LTBP3: variants seen among roughly 807,000 people sequenced by gnomAD.
The protein encoded by LTBP3 is latent-transforming growth factor beta-binding protein 3.
In LTBP3, 97 loss-of-function variants were observed where a neutral mutation model predicts 159.7. That is an observed-to-expected ratio of 0.61 (90% CI 0.52 to 0.72). LTBP3 has a LOEUF of 0.72. Among genes scored for constraint, LTBP3 ranks in the 30% least tolerant of loss-of-function variants. The probability of loss-of-function intolerance (pLI) is 0.00; values close to 1 mark genes in which losing one functional copy is unlikely to be tolerated. For missense variants in LTBP3, 1,584 were observed against 1,864.3 expected (o/e 0.85, Z 2.77); for synonymous variants, 824 against 777.1 (o/e 1.06, Z -1.00).
rs1382727404 is a variant in LTBP3, at chr11:65,554,824, C to A, written c.332-444G>T. On this transcript the variant is annotated intron_variant, in intron 1 of 27. Coordinates refer to ENST00000301873, the MANE Select transcript of LTBP3 (RefSeq NM_001130144.3). The surrounding 1 kb of genome is among the most constrained non-coding windows in gnomAD (Gnocchi z 5.3). ...GTCCCTGGCGCCTCCTCCTCTTCTC[C>A]CATAAACCCTTCCCTCCTTCAGGCC... is the stretch of plus-strand genomic sequence containing the variant. 6.6e-6 allele frequency among the ~76,000 whole-genome samples: 1 copy of A among 151,702 alleles called. No homozygotes were observed. Among genetic ancestry groups the A allele is most frequent in the African/African-American group, 2.4e-5 (1 of 41,244 alleles).
intron 1 of LTBP3, among the ~76,000 whole-genome samples, chr11:65,556,775 G>A (rs974173499): frequency 6.6e-6 from 1 of 152,224 alleles, no homozygotes; most frequent in Non-Finnish European, 1.5e-5. Flanking sequence ...TGTAAGAGGG[G>A]CTGTTTTGCT....
intron 22 of LTBP3, 47 bp from the exon 23 acceptor site, chr11:65,540,429 C>T (rs1240770758): frequency 4.5e-5 from 73 of 1,608,742 alleles, no homozygotes; most frequent in Non-Finnish European, 6.2e-5. Context: ...CCGGGATGGG[C>T]GCGGTGGCGC....
In LTBP3 at chr11:65,542,490, C is replaced by T. The variant is rs1177635886; in HGVS notation, c.2596+615G>A. 3 of 147,672 alleles carry T rather than the reference C, an allele frequency of 2.0e-5. No individual in the cohort carries two copies. In the South Asian group the frequency reaches 5.9e-4, roughly 29 times the overall value. 9.1% of individuals were successfully genotyped at this position (147,672 alleles called of 1,614,324 possible). ...GCAACCTCCGCTTCCCATCTTCAAA[C>T]GATTCTTCTGCCTCAGCCTCCCGAG... On this transcript the variant is annotated intron_variant, in intron 18 of 27. Transcript: ENST00000301873.
rs1274446179 is a variant in LTBP3, at chr11:65,558,208, G to C, written c.-249C>G. On this transcript the variant is annotated 5_prime_UTR_variant, in exon 1 of 28. Coordinates refer to ENST00000301873, the MANE Select transcript of LTBP3 (RefSeq NM_001130144.3). ...CAGACCAGGCCCCGAACTCAGGCAG[G>C]AGCGAGGAGGCCGGAGCAAGTTGAG... is the stretch of plus-strand genomic sequence containing the variant. 1 of 1,056,952 alleles carries C rather than the reference G, an allele frequency of 9.5e-7. No homozygotes were observed. The highest frequency in any genetic ancestry group is 1.1e-6 in the Non-Finnish European group (1 of 874,690). 65.5% of individuals were successfully genotyped at this position (1,056,952 alleles called of 1,614,324 possible). A position where few individuals can be genotyped will look rare whatever the true frequency, so the allele number is the denominator to read the frequency against.
rs141170789 is a variant in LTBP3, at chr11:65,541,000, C to T, written c.2894-46G>A. The T allele has an allele frequency of 4.4e-4, 704 of 1,595,098 alleles. 11 individuals carry two copies. The East Asian group carries it at 0.015, about 33-fold the overall frequency. ...TGGGGAGGGAAGAGGCAGGACTGAG[C>T]GCGCGCGTGGGCTTAGGGCTGCAGC... is the stretch of plus-strand genomic sequence containing the variant. On this transcript the variant is annotated intron_variant, in intron 20 of 27. Transcript: ENST00000301873.
In LTBP3 at chr11:65,540,245, C is replaced by T. The variant is rs1165193375; in HGVS notation, c.3244G>A (p.Asp1082Asn). ...CCCCACTCCCCGGCCCGGGCCTCAC[C>T]CATCTCTTCCGGGCTCAGGCACTGG... is the stretch of plus-strand genomic sequence containing the variant. ...QRQCLSPEEM[D>N]VDECQDPAAC... is the part of the protein sequence containing the mutation. Residue 1082 changes from aspartate (D) to asparagine (N), a missense_variant and splice_region_variant, in exon 23 of 28, where the codon GAC becomes AAC. Transcript: ENST00000301873. The T allele has an allele frequency of 7.1e-6, 11 of 1,550,000 alleles. No individual in the cohort carries two copies. The highest frequency in any genetic ancestry group is 9.6e-6 in the Non-Finnish European group (11 of 1,146,876).
Position 65,552,045 on chromosome 11 carries a change from C to T in LTBP3, c.1458G>A (p.Gly486=). Residue 486 remains glycine (G), a synonymous_variant, in exon 8 of 28, where the codon GGG becomes GGA. Coordinates refer to ENST00000301873, the MANE Select transcript of LTBP3 (RefSeq NM_001130144.3). This position sits in a 1 kb window ranked among gnomAD's most constrained non-coding sequence, Gnocchi z 6.0. ...CCGGAAGCTGCTGGGGCTTGGGTGG[C>T]CCGTCAGGGTGCAGGAAAAGGGAAA... ...SDFSLFLHPD[G]PPKPQQLPES... 6.2e-7 allele frequency: 1 copy of T among 1,614,002 alleles called. No individual in the cohort carries two copies. Among genetic ancestry groups the T allele is most frequent in the Non-Finnish European group, 8.5e-7 (1 of 1,179,990 alleles).
chr11:65,540,733 A>ACAGGAGGGGCGGGGCCTT, intron 21 of LTBP3, 119 bp from the exon 22 acceptor site: 2 of 1,508,400 alleles, frequency 1.3e-6, no homozygotes, highest in Non-Finnish European at 1.8e-6. Flanking sequence ...GGCGGGGCCT[A>ACAGGAGGGGCGGGGCCTT]CAGGGCGGGG....
Position 65,553,486 on chromosome 11 carries a change from G to A in LTBP3, c.909C>T (p.Cys303=). 3 of 1,612,452 alleles carry A rather than the reference G, an allele frequency of 1.9e-6. No individual in the cohort carries two copies. Among genetic ancestry groups the A allele is most frequent in the Non-Finnish European group, 2.5e-6 (3 of 1,179,854 alleles). ...PLPGLTKQED[C]CGSIGTAWGQ... The stretch of plus-strand genomic sequence containing the variant: ...CCCAGGCAGTGCCGATGCTACCGCA[G>A]CAGTCTTCCTGCTTGGTGAGGCCGG... The change falls in exon 4 of 28, where the codon TGC becomes TGT. Residue 303 remains cysteine, a synonymous_variant. Transcript: ENST00000301873. The surrounding 1 kb of genome is among the most constrained non-coding windows in gnomAD (Gnocchi z 6.5).
In LTBP3 at chr11:65,546,892, A is replaced by G. The variant is rs1465722728; in HGVS notation, c.2136T>C (p.Ser712=). 7 of 1,612,620 alleles carry G rather than the reference A, an allele frequency of 4.3e-6. No individual in the cohort carries two copies. The South Asian group carries it at 7.7e-5, about 18-fold the overall frequency. The part of the protein sequence containing the change: ...EDIDECRDPS[S]CPDGKCENKP... The stretch of plus-strand genomic sequence containing the variant: ...TGTTCTCGCATTTGCCATCCGGGCA[A>G]GAGCTTGGGTCCCGGCACTCGTCGA... The change falls in exon 15 of 28, where the codon TCT becomes TCC. Residue 712 remains serine, a synonymous_variant. Coordinates refer to ENST00000301873, the MANE Select transcript of LTBP3 (RefSeq NM_001130144.3). This position sits in a 1 kb window ranked among gnomAD's most constrained non-coding sequence, Gnocchi z 4.0.
In LTBP3 at chr11:65,552,417, C is replaced by T. The variant is rs758670644; in HGVS notation, c.1187-11G>A. The T allele has an allele frequency of 1.2e-6, 2 of 1,611,776 alleles. No individual in the cohort carries two copies. The highest frequency in any genetic ancestry group is 1.7e-6 in the Non-Finnish European group (2 of 1,179,946). On this transcript the variant is annotated splice_polypyrimidine_tract_variant and intron_variant, in intron 6 of 27. Coordinates refer to ENST00000301873, the MANE Select transcript of LTBP3 (RefSeq NM_001130144.3). The surrounding 1 kb of genome is among the most constrained non-coding windows in gnomAD (Gnocchi z 6.0). Reference sequence around the variant, plus strand: ...CCTCCGGTTTGTCTGCTGCAGGGGCCAGTGGGGGGCATGGGCATCTGAGCC... The same window carrying T: ...CCTCCGGTTTGTCTGCTGCAGGGGCTAGTGGGGGGCATGGGCATCTGAGCC...
intron 11 of LTBP3, among the ~76,000 whole-genome samples, chr11:65,549,336 C>G (rs1284382939): frequency 6.6e-6 from 1 of 152,130 alleles, no homozygotes; most frequent in Non-Finnish European, 1.5e-5. Flanking sequence ...CATGCCTTTG[C>G]CCAACTTAAC....
In LTBP3 at chr11:65,539,758, C is replaced by G; in HGVS notation, c.3509G>C (p.Trp1170Ser). Residue 1170 changes from tryptophan (W) to serine (S), a missense_variant, in exon 25 of 28, where the codon TGG becomes TCG. Physicochemically the swap from Trp to Ser is radical, Grantham distance 177. Transcript: ENST00000301873. ...DDCCCRQGRG[W>S]GAQCRPCPPR... ...CGGGCACGGTCGGCATTGGGCGCCC[C>G]AGCCGCGGCCCTGGCGGCAGCAGCA... is the stretch of plus-strand genomic sequence containing the variant. 3.2e-6 allele frequency: 5 copies of G among 1,544,884 alleles called. No homozygotes were observed. The highest frequency in any genetic ancestry group is 4.3e-6 in the Non-Finnish European group (5 of 1,152,506).
In LTBP3 at chr11:65,552,501, C is replaced by G. The variant is rs1178791579; in HGVS notation, c.1187-95G>C. 1 of 1,493,226 alleles carries G rather than the reference C, an allele frequency of 6.7e-7. No homozygotes were observed. Among genetic ancestry groups the G allele is most frequent in the African/African-American group, 1.4e-5 (1 of 72,398 alleles). The allele number at this position is 1,493,226 out of a possible 1,614,324, so 92.5% of individuals were successfully genotyped here. ...GCAGACCTTGCCTCTCCGGCCCAGA[C>G]AACCCTTGATCCCCCATGTGGTCTC... is the stretch of plus-strand genomic sequence containing the variant. On this transcript the variant is annotated intron_variant, in intron 6 of 27. Coordinates refer to ENST00000301873, the MANE Select transcript of LTBP3 (RefSeq NM_001130144.3). The surrounding 1 kb of genome is among the most constrained non-coding windows in gnomAD (Gnocchi z 6.0).
At chr11:65,551,588 A>G (rs1856615923) in intron 8 of LTBP3, 24 bp from the exon 9 acceptor site, 4 of 1,613,874 alleles carry the variant, frequency 2.5e-6, no homozygotes, top group Non-Finnish European at 3.4e-6. Context: ...AGATGGGGCC[A>G]TGAAGTGTTG....
intron 18 of LTBP3, 157 bp from the exon 19 acceptor site, chr11:65,541,885 C>T: frequency 1.3e-6 from 1 of 797,938 alleles, no homozygotes. Context: ...TCTGAATGTG[C>T]ATGTGGACAT....
chr11:65,540,031 G>A lies in LTBP3; in HGVS notation c.3367C>T (p.Leu1123Phe), dbSNP rs1856013438. The change falls in exon 24 of 28, where the codon CTC (leucine) becomes TTC (phenylalanine). Residue 1123 changes from leucine to phenylalanine, a missense_variant. Transcript: ENST00000301873. ...CCCTCACCGGCCGGGCTCTCGGGGA[G>A]CTGGCAATCGCGGCCGGAGGGCCCG... ...VPGPSGRDCQ[L>F]PESPAERAPE... 1.3e-6 allele frequency: 2 copies of A among 1,513,100 alleles called. No individual in the cohort carries two copies. Among genetic ancestry groups the A allele is most frequent in the Non-Finnish European group, 1.8e-6 (2 of 1,136,480 alleles). The allele number at this position is 1,513,100 out of a possible 1,614,324, so 93.7% of individuals were successfully genotyped here.
chr11:65,551,417 C>T lies in LTBP3; in HGVS notation c.1606G>A (p.Ala536Thr). 6.2e-7 allele frequency: 1 copy of T among 1,613,622 alleles called. No individual in the cohort carries two copies. Residue 536 changes from alanine to threonine, a missense_variant, in exon 10 of 28, where the codon GCC becomes ACC. Transcript: ENST00000301873. ...CCCAGCTCACCGGGGTAGGGCCGGG[C>T]AGGAGTCGTGGTGGCAGTTGGGTGG... ...QSHPTATTTP[A>T]RPYPELISRP...
Position 65,557,807 on chromosome 11 carries a change from T to C in LTBP3, c.153A>G (p.Ala51=), listed in dbSNP as rs1403186737. The C allele has an allele frequency of 2.4e-5, 37 of 1,519,114 alleles. No individual in the cohort carries two copies. Among genetic ancestry groups the C allele is most frequent in the Non-Finnish European group, 3.3e-5 (37 of 1,137,666 alleles). 94.1% of individuals were successfully genotyped at this position (1,519,114 alleles called of 1,614,324 possible). A position where few individuals can be genotyped will look rare whatever the true frequency, so the allele number is the denominator to read the frequency against. Residue 51 remains alanine, a synonymous_variant, in exon 1 of 28, where the codon GCA becomes GCG. Transcript: ENST00000301873. ...VEGGPAGERG[A]GGGGALARER... ...CGCGGGCCAGCGCCCCGCCCCCGCC[T>C]GCGCCCCGCTCGCCGGCCGGCCCCC...
Sources: gnomAD v4.1 joint callset for allele counts (sites outside exome capture counted in the v4.1 genomes callset) on GRCh38, gnomAD v4.1.1 for gene constraint, Gnocchi (gnomAD v3.1) non-coding constraint, MANE v1.5 for transcripts, NCBI Gene and HGNC (gene_info 2026-07-23, HGNC 2026-07-21) for gene names.